ZNF124: variants seen among roughly 807,000 people sequenced by gnomAD.
The protein encoded by ZNF124 is zinc finger protein HZF-16.
Under a neutral mutation model 26.6 loss-of-function variants are expected in ZNF124, and 25 were observed. The ratio of observed to expected loss-of-function variants is 0.94; its 90% CI spans 0.68 to 1.31. The LOEUF (loss-of-function observed/expected upper bound fraction) is 1.31, where lower values mean the gene tolerates loss of function less well. Among genes scored for constraint, ZNF124 ranks in the 40% most tolerant of loss-of-function variants. The pLI, the probability that ZNF124 is intolerant of heterozygous loss-of-function variation, is 0.00. For missense variants in ZNF124, 444 were observed against 422.2 expected (o/e 1.05, Z -0.45); for synonymous variants, 129 against 133.3 (o/e 0.97, Z 0.22).
At chr1:247,149,358 GGAAAT>G (rs1672867419) in intron 3 of ZNF124, among the ~76,000 whole-genome samples, 1 of 152,120 alleles carries the variant, frequency 6.6e-6, no homozygotes, top group African/African-American at 2.4e-5. Flanking sequence ...TATATCCAAA[GGAAAT>G]AAAATCAGTA....
chr1:247,167,435 T>G (rs1252022600), intron 1 of ZNF124, among the ~76,000 whole-genome samples: 2 of 152,240 alleles, frequency 1.3e-5, no homozygotes, highest in Non-Finnish European at 2.9e-5. Flanking sequence ...TTCACCAATT[T>G]ATGTACCACA....
At chr1:247,134,230 A>G (rs1233976339) in intron 3 of ZNF124, among the ~76,000 whole-genome samples, 1 of 152,218 alleles carries the variant, frequency 6.6e-6, no homozygotes, top group Non-Finnish European at 1.5e-5. Context: ...CATCACGACA[A>G]CAGGATCAAA....
At chr1:247,169,323 A>G (rs796734874) in intron 1 of ZNF124, among the ~76,000 whole-genome samples, 2 of 152,342 alleles carry the variant, frequency 1.3e-5, no homozygotes, top group African/African-American at 4.8e-5. Context: ...CCAACCTCCC[A>G]GCGCAATGCA....
rs1428310427 is a variant in ZNF124 at position 247,168,468 on chromosome 1, A to G, written c.30+3380T>C. On this transcript the variant is annotated intron_variant, in intron 1 of 3. Coordinates refer to ENST00000543802, the MANE Select transcript of ZNF124 (RefSeq NM_001297568.2). The surrounding 1 kb of genome is among the most constrained non-coding windows in gnomAD (Gnocchi z 4.0). ...GAATCCCTTGAACCCAGGCGACGGA[A>G]GGTTGTAGTGAGCCAAGATCGTGCC... is the stretch of plus-strand genomic sequence containing the variant. 6.6e-6 allele frequency among the ~76,000 whole-genome samples: 1 copy of G among 152,252 alleles called. No homozygotes were observed. Among genetic ancestry groups the G allele is most frequent in the Non-Finnish European group, 1.5e-5 (1 of 68,048 alleles).
intron 3 of ZNF124, among the ~76,000 whole-genome samples, chr1:247,135,710 G>A (rs1243170450): frequency 6.6e-6 from 1 of 152,100 alleles, no homozygotes; most frequent in Non-Finnish European, 1.5e-5. Flanking sequence ...ACCAAAACCT[G>A]GCAGAGACAC....
chr1:247,159,024 T>G lies in ZNF124; in HGVS notation c.200A>C (p.Asn67Thr), dbSNP rs200120209. Reference protein sequence around the residue: ...EDQSIEDQYKNSSRNLRHIIS... With the variant: ...EDQSIEDQYKTSSRNLRHIIS... Reference sequence around the variant, plus strand: ...AAATTACCTTAGATTTCTTGAAGAATTTTTGTACTGATCTTCAATGCTCTG... The same window carrying G: ...AAATTACCTTAGATTTCTTGAAGAAGTTTTGTACTGATCTTCAATGCTCTG... The change falls in exon 3 of 4, where the codon AAT becomes ACT. Residue 67 changes from asparagine to threonine, a missense_variant. Transcript: ENST00000543802. The G allele has an allele frequency of 3.1e-5, 50 of 1,613,608 alleles. No homozygotes were observed. The highest frequency in any genetic ancestry group is 4.1e-5 in the Non-Finnish European group (48 of 1,179,814).
chr1:247,150,081 T>TTAAC (rs1422082570), downstream of ZNF124: 4 of 152,190 alleles, frequency 2.6e-5, no homozygotes, highest in African/African-American at 9.7e-5. Context: ...CCCCCACCTG[T>TTAAC]TAACACTATT....
downstream of ZNF124, among the ~76,000 whole-genome samples, chr1:247,153,944 G>A (rs553090961): frequency 6.6e-6 from 1 of 152,266 alleles, no homozygotes; most frequent in African/African-American, 2.4e-5. Context: ...AAATCATGAG[G>A]ATCTATGGAT....
chr1:247,158,789 T>C (rs1186813738), intron 3 of ZNF124, among the ~76,000 whole-genome samples: 4 of 152,094 alleles, frequency 2.6e-5, no homozygotes, highest in African/African-American at 7.2e-5. Flanking sequence ...ACCATCACAC[T>C]GGGCTAATTT....
downstream of ZNF124, among the ~76,000 whole-genome samples, chr1:247,154,374 T>C (rs1673031021): frequency 6.6e-6 from 1 of 152,174 alleles, no homozygotes; most frequent in Non-Finnish European, 1.5e-5. Flanking sequence ...TTGCTTCCCC[T>C]TCACCTTCTG....
At chr1:247,140,863 C>T (rs1672608705) in intron 3 of ZNF124, among the ~76,000 whole-genome samples, 1 of 152,106 alleles carries the variant, frequency 6.6e-6, no homozygotes, top group South Asian at 2.1e-4. Flanking sequence ...AGTCATGCTC[C>T]CTCTCAATGT....
chr1:247,155,551 T>C lies in ZNF124; in HGVS notation c.*1015A>G, dbSNP rs1170636429. ...ACATATTTAACTCTTGTACTACTGC[T>C]TGAAGAATACTTACAGAAGTCTTGC... is the stretch of plus-strand genomic sequence containing the variant. On this transcript the variant is annotated 3_prime_UTR_variant, in exon 4 of 4. Transcript: ENST00000543802. Among the ~76,000 whole-genome samples, 1 of 152,192 alleles carries C rather than the reference T, an allele frequency of 6.6e-6. No homozygotes were observed. The highest frequency in any genetic ancestry group is 2.4e-5 in the African/African-American group (1 of 41,458).
intron 3 of ZNF124, among the ~76,000 whole-genome samples, chr1:247,147,179 T>TA (rs1672806495): frequency 6.6e-6 from 1 of 151,676 alleles, no homozygotes; most frequent in African/African-American, 2.4e-5. Flanking sequence ...TTTTTTTTTT[T>TA]AATTTGCCAT....
chr1:247,170,831 TAAC>T lies in ZNF124; in HGVS notation c.30+1014_30+1016del, dbSNP rs1674075770. Among the ~76,000 whole-genome samples, 6 of 134,638 alleles carry T rather than the reference TAAC, an allele frequency of 4.5e-5. No individual in the cohort carries two copies. In the South Asian group the frequency reaches 1.6e-3, roughly 37 times the overall value. The allele number at this position is 134,638 out of a possible 152,430, so 88.3% of individuals were successfully genotyped here. A position where few individuals can be genotyped will look rare whatever the true frequency, so the allele number is the denominator to read the frequency against. ...CCATACAATGTCTGGAATCTATAGA[TAAC>T]ACAACCGGTCAGGTCAAGGGTCAAT... On this transcript the variant is annotated intron_variant, in intron 1 of 3. Coordinates refer to ENST00000543802, the MANE Select transcript of ZNF124 (RefSeq NM_001297568.2).
At chr1:247,127,656 C>T (rs1248764963) in intron 3 of ZNF124, among the ~76,000 whole-genome samples, 2 of 148,484 alleles carry the variant, frequency 1.3e-5, no homozygotes, top group Non-Finnish European at 3.0e-5. Flanking sequence ...GTGAAAATCC[C>T]TGTCCTGTTC....
chr1:247,163,831 A>G (rs1210801384), intron 1 of ZNF124, among the ~76,000 whole-genome samples: 1 of 152,186 alleles, frequency 6.6e-6, no homozygotes, highest in Non-Finnish European at 1.5e-5. Flanking sequence ...CAGGCATACA[A>G]CAATGAAAAA....
chr1:247,166,602 C>A (rs1673793464), intron 1 of ZNF124, among the ~76,000 whole-genome samples: 1 of 152,154 alleles, frequency 6.6e-6, no homozygotes, highest in Non-Finnish European at 1.5e-5. Flanking sequence ...TAAAAGAAAT[C>A]TGTGTCTTAA....
intron 3 of ZNF124, chr1:247,138,507 A>G (rs1051120139): frequency 4.1e-5 from 14 of 342,352 alleles, no homozygotes; most frequent in Non-Finnish European, 6.3e-5. Context: ...GGACAGGTCA[A>G]TAGGTGCAGC....
At chr1:247,153,111 C>T (rs376867501), downstream of ZNF124, among the ~76,000 whole-genome samples, 89 of 147,642 alleles carry the variant, frequency 6.0e-4, no homozygotes, top group Non-Finnish European at 1.0e-3. Context: ...CCAGCCTGGG[C>T]AACAGAGTGA....
Sources: allele counts gnomAD v4.1 joint callset (sites outside exome capture counted in the v4.1 genomes callset), GRCh38; gene constraint gnomAD v4.1.1; non-coding constraint Gnocchi (gnomAD v3.1); transcripts MANE v1.5; gene names NCBI Gene and HGNC (gene_info 2026-07-23, HGNC 2026-07-21).